KCNJ12: variants seen among roughly 807,000 people sequenced by gnomAD.
The protein encoded by KCNJ12 is ATP-sensitive inward rectifier potassium channel 12.
In KCNJ12, 2 loss-of-function variants were observed where a neutral mutation model predicts 22.3. That is an observed-to-expected ratio of 0.09 (90% CI 0.04 to 0.28). The LOEUF (loss-of-function observed/expected upper bound fraction) is 0.28. KCNJ12 is among the 10% of genes least tolerant of loss of function. The pLI, the probability that KCNJ12 is intolerant of heterozygous loss-of-function variation, is 1.00. For synonymous variants in KCNJ12, 117 were observed against 261.4 expected (o/e 0.45, Z 5.33); for missense variants, 155 against 633.3 (o/e 0.24, Z 8.11).
chr17:21,411,208 G>A (rs1400300295), intron 2 of KCNJ12, among the ~76,000 whole-genome samples: 407 of 152,136 alleles, frequency 2.7e-3, no homozygotes, highest in African/African-American at 9.5e-3. Context: ...GTTCCATCCG[G>A]AAGCACCTCC....
intron 1 of KCNJ12, among the ~76,000 whole-genome samples, chr17:21,394,217 T>A (rs782113146): frequency 3.3e-5 from 5 of 152,230 alleles, no homozygotes; most frequent in Non-Finnish European, 5.9e-5. Flanking sequence ...GGTGTACCAC[T>A]TTTTATCTTT....
intron 1 of KCNJ12, among the ~76,000 whole-genome samples, chr17:21,384,858 C>T (rs1392746559): frequency 2.2e-4 from 33 of 151,446 alleles, no homozygotes; most frequent in African/African-American, 6.6e-4. Context: ...CTGCAATCTC[C>T]GCCTCCCGGG....
intron 1 of KCNJ12, among the ~76,000 whole-genome samples, chr17:21,389,615 T>C (rs1555559090): frequency 6.6e-6 from 1 of 151,712 alleles, no homozygotes; most frequent in East Asian, 2.0e-4. Context: ...AGCTGTGCCC[T>C]CAGAGCCCCA....
chr17:21,378,629 C>T, intron 1 of KCNJ12, among the ~76,000 whole-genome samples: 1 of 152,120 alleles, frequency 6.6e-6, no homozygotes, highest in Admixed American at 6.5e-5. Context: ...CACTGGAGGG[C>T]CGCTGTAGGC....
chr17:21,402,999 G>C (rs1272973719), intron 1 of KCNJ12, among the ~76,000 whole-genome samples: 1 of 152,304 alleles, frequency 6.6e-6, no homozygotes, highest in Non-Finnish European at 1.5e-5. Flanking sequence ...CCCCACCTGG[G>C]ACTTCTGTGA....
chr17:21,412,572 C>T (rs1175547936), intron 2 of KCNJ12, among the ~76,000 whole-genome samples: 1 of 152,302 alleles, frequency 6.6e-6, no homozygotes, highest in African/African-American at 2.4e-5. Flanking sequence ...CCCTGGCTGC[C>T]TCTTTCTGGA....
chr17:21,380,883 G>A (rs1904842650), intron 1 of KCNJ12, among the ~76,000 whole-genome samples: 1 of 152,088 alleles, frequency 6.6e-6, no homozygotes, highest in Admixed American at 6.5e-5. Flanking sequence ...CCTGTTTCCT[G>A]GTGTGTCCTC....
Position 21,416,326 on chromosome 17 carries a change from G to A in KCNJ12, c.984G>A (p.Glu328=), listed in dbSNP as rs140363316. ...AGATCCTGTGGGGTCACCGCTTTGA[G>A]CCCGTGCTCTTCGAGGAGAAGAACC... ...ANEILWGHRF[E]PVLFEEKNQY... is the part of the protein sequence containing the mutation. The change falls in exon 3 of 3, where the codon GAG becomes GAA. Residue 328 remains glutamate, a synonymous_variant. Coordinates refer to ENST00000583088, the MANE Select transcript of KCNJ12 (RefSeq NM_021012.5). 7.5e-4 allele frequency: 1,203 copies of A among 1,612,842 alleles called. No homozygotes were observed. In the African/African-American group the frequency reaches 0.011, roughly 15 times the overall value.
intron 1 of KCNJ12, among the ~76,000 whole-genome samples, chr17:21,377,279 C>A (rs916010059): frequency 1.3e-5 from 2 of 152,110 alleles, no homozygotes; most frequent in South Asian, 4.2e-4. Flanking sequence ...CACTCTGGCG[C>A]GCGGCACGGG....
chr17:21,396,096 G>T (rs1905353626), intron 1 of KCNJ12, among the ~76,000 whole-genome samples: 1 of 152,148 alleles, frequency 6.6e-6, no homozygotes, highest in South Asian at 2.1e-4. Flanking sequence ...GGGCCCCCGG[G>T]CGCAGGCAGG....
chr17:21,398,963 G>A (rs1905476103), intron 1 of KCNJ12, among the ~76,000 whole-genome samples: 1 of 152,242 alleles, frequency 6.6e-6, no homozygotes, highest in Non-Finnish European at 1.5e-5. Context: ...TGTGGAAACT[G>A]AGGCAAGGAT....
At chr17:21,383,601 G>A (rs9892890) in intron 1 of KCNJ12, among the ~76,000 whole-genome samples, 1 of 152,190 alleles carries the variant, frequency 6.6e-6, no homozygotes, top group African/African-American at 2.4e-5. Flanking sequence ...AAACTCAGGG[G>A]TCACAGCCAC....
At chr17:21,388,327 C>T (rs1905127792) in intron 1 of KCNJ12, among the ~76,000 whole-genome samples, 1 of 152,300 alleles carries the variant, frequency 6.6e-6, no homozygotes, top group Non-Finnish European at 1.5e-5. Context: ...CATACCCCAT[C>T]CCGTGCCAGC....
intron 1 of KCNJ12, among the ~76,000 whole-genome samples, chr17:21,402,298 T>TCTCC (rs1905661355): frequency 5.3e-5 from 8 of 152,306 alleles, no homozygotes; most frequent in Non-Finnish European, 1.0e-4. Context: ...ACCTCTGGAA[T>TCTCC]AGTCTCCACC....
chr17:21,406,223 C>T (rs1411897827), intron 1 of KCNJ12, among the ~76,000 whole-genome samples: 1 of 152,304 alleles, frequency 6.6e-6, no homozygotes, highest in African/African-American at 2.4e-5. Context: ...AGAATTGTCC[C>T]TCCTCCAAGG....
intron 1 of KCNJ12, among the ~76,000 whole-genome samples, chr17:21,394,672 C>G (rs1329894647): frequency 4.6e-5 from 7 of 152,044 alleles, no homozygotes; most frequent in African/African-American, 1.7e-4. Flanking sequence ...AGGCTCAACT[C>G]GAGGCTGAGG....
intron 1 of KCNJ12, among the ~76,000 whole-genome samples, chr17:21,405,957 C>G (rs1183245003): frequency 1.3e-5 from 2 of 152,310 alleles, no homozygotes; most frequent in Non-Finnish European, 2.9e-5. Flanking sequence ...ACAAATCCAG[C>G]TGGATTTGTG....
chr17:21,393,099 G>A (rs181776822), intron 1 of KCNJ12, among the ~76,000 whole-genome samples: 1 of 152,130 alleles, frequency 6.6e-6, no homozygotes, highest in Non-Finnish European at 1.5e-5. Flanking sequence ...CTGCACGGCC[G>A]TACCGGCTCT....
chr17:21,398,082 C>T (rs983174863), intron 1 of KCNJ12, among the ~76,000 whole-genome samples: 9 of 146,112 alleles, frequency 6.2e-5, no homozygotes, highest in Non-Finnish European at 1.0e-4. Context: ...TAGCCCTGGA[C>T]GTGTGTGTAT....
Sources: gnomAD v4.1 joint callset for allele counts (sites outside exome capture counted in the v4.1 genomes callset) on GRCh38, gnomAD v4.1.1 for gene constraint, MANE v1.5 for transcripts, NCBI Gene and HGNC (gene_info 2026-07-23, HGNC 2026-07-21) for gene names.